Variants in WDSUB1 observed in about 807,000 individuals in gnomAD.
The protein encoded by WDSUB1 is WD repeat, SAM and U-box domain-containing protein 1.
WDSUB1 carries 49 observed loss-of-function variants against 53.9 expected under a neutral mutation model. That is an observed-to-expected ratio of 0.91 (90% CI 0.72 to 1.15). The LOEUF is 1.15. WDSUB1 is among the 50% of genes most tolerant of loss of function. The pLI, the probability that WDSUB1 is intolerant of heterozygous loss-of-function variation, is 0.00. For missense variants in WDSUB1, 514 were observed against 562.0 expected (o/e 0.91, Z 0.86); for synonymous variants, 194 against 200.6 (o/e 0.97, Z 0.28).
At chr2:159,237,476 G>A (rs1028087306) in intron 10 of WDSUB1, among the ~76,000 whole-genome samples, 4 of 151,170 alleles carry the variant, frequency 2.6e-5, no homozygotes, top group South Asian at 2.1e-4. Context: ...AGCTGAGATC[G>A]CACCACTGCA....
intron 9 of WDSUB1, 139 bp from the exon 10 acceptor site, chr2:159,248,651 G>T: frequency 1.0e-6 from 1 of 977,236 alleles, no homozygotes; most frequent in Non-Finnish European, 1.4e-6. Context: ...TGCCCAGGCT[G>T]GAGTGCAGTG....
At position 159,259,851 on chromosome 2, in the gene WDSUB1, GA is replaced by G; in HGVS notation, c.771-9del. ...ACAGACTTATCCACTGACCTTAAAA[GA>G]AAATAAATTATAGGTGAAAAGTTCT... On this transcript the variant is annotated splice_polypyrimidine_tract_variant and intron_variant, in intron 5 of 10. Coordinates refer to ENST00000359774, the MANE Select transcript of WDSUB1 (RefSeq NM_001128212.3). 3.3e-6 allele frequency: 5 copies of G among 1,513,284 alleles called. No homozygotes were observed. Among genetic ancestry groups the G allele is most frequent in the Non-Finnish European group, 3.6e-6 (4 of 1,114,038 alleles). The allele number at this position is 1,513,284 out of a possible 1,614,324, so 93.7% of individuals were successfully genotyped here. A position where few individuals can be genotyped will look rare whatever the true frequency, so the allele number is the denominator to read the frequency against.
At chr2:159,281,295 G>A (rs12614061) in intron 2 of WDSUB1, among the ~76,000 whole-genome samples, 53,485 of 151,904 alleles carry the variant, frequency 0.35, 12,397 homozygotes, top group Non-Finnish European at 0.54. Context: ...CTGGGGTACA[G>A]TAGTGCAATC....
At chr2:159,268,389 T>C (rs552396931) in intron 5 of WDSUB1, among the ~76,000 whole-genome samples, 40 of 152,374 alleles carry the variant, frequency 2.6e-4, no homozygotes, top group African/African-American at 8.9e-4. Flanking sequence ...ATTTAAATTC[T>C]AGGTCAAAAG....
intron 5 of WDSUB1, among the ~76,000 whole-genome samples, chr2:159,261,716 A>C (rs1432033947): frequency 6.6e-6 from 1 of 151,430 alleles, no homozygotes; most frequent in African/African-American, 2.4e-5. Flanking sequence ...CACACACACA[A>C]AAATACTTTC....
intron 10 of WDSUB1, among the ~76,000 whole-genome samples, chr2:159,240,680 T>G (rs935348421): frequency 6.6e-6 from 1 of 152,190 alleles, no homozygotes; most frequent in African/African-American, 2.4e-5. Flanking sequence ...AGCATTCCTA[T>G]TTTATAAATG....
At chr2:159,267,651 T>C (rs2061371237) in intron 5 of WDSUB1, among the ~76,000 whole-genome samples, 1 of 152,170 alleles carries the variant, frequency 6.6e-6, no homozygotes, top group Admixed American at 6.5e-5. Flanking sequence ...GTCCATTCAC[T>C]TTTCATCTCT....
chr2:159,238,577 T>C (rs1210279057), intron 10 of WDSUB1, among the ~76,000 whole-genome samples: 5 of 152,224 alleles, frequency 3.3e-5, no homozygotes, highest in Non-Finnish European at 7.3e-5. Flanking sequence ...TTAGAAGTGA[T>C]TTTTACCACT....
chr2:159,238,447 G>A (rs749672590), intron 10 of WDSUB1, among the ~76,000 whole-genome samples: 2 of 152,148 alleles, frequency 1.3e-5, no homozygotes, highest in Non-Finnish European at 2.9e-5. Flanking sequence ...GCTGCGCTCT[G>A]CAGGTTTCCC....
At chr2:159,273,612 G>T (rs1330842624) in intron 4 of WDSUB1, among the ~76,000 whole-genome samples, 1 of 151,972 alleles carries the variant, frequency 6.6e-6, no homozygotes, top group African/African-American at 2.4e-5. Flanking sequence ...TCAAGACAGG[G>T]TTTCACCATG....
At chr2:159,269,877 C>T (rs2061414737) in intron 5 of WDSUB1, among the ~76,000 whole-genome samples, 1 of 152,068 alleles carries the variant, frequency 6.6e-6, no homozygotes, top group African/African-American at 2.4e-5. Context: ...AAGAATAAAG[C>T]TTATCTCCCC....
intron 9 of WDSUB1, among the ~76,000 whole-genome samples, chr2:159,252,196 G>A (rs11679903): frequency 1.3e-5 from 2 of 152,048 alleles, no homozygotes; most frequent in African/African-American, 4.8e-5. Flanking sequence ...GAGAAGACAC[G>A]AAACCTATAT....
intron 1 of WDSUB1, among the ~76,000 whole-genome samples, chr2:159,285,445 C>A (rs935322564): frequency 2.0e-5 from 3 of 152,092 alleles, no homozygotes; most frequent in South Asian, 2.1e-4. Context: ...ATGGTGCACA[C>A]CTGTAGTCCC....
rs1246727584 is a variant in WDSUB1 at position 159,236,207 on chromosome 2, A to T, written c.1274-17T>A. ...AATAGCCATCTAAAAAAAAAAAATC[A>T]CACAAATTACATGATGTAGGAAAGG... On this transcript the variant is annotated splice_polypyrimidine_tract_variant and intron_variant, in intron 10 of 10. Coordinates refer to ENST00000359774, the MANE Select transcript of WDSUB1 (RefSeq NM_001128212.3). The T allele has an allele frequency of 6.3e-7, 1 of 1,585,578 alleles. No homozygotes were observed. The highest frequency in any genetic ancestry group is 2.2e-5 in the East Asian group (1 of 44,716).
rs1214631516 is a variant in WDSUB1, at chr2:159,248,513, C to G, written c.1133-1G>C. On this transcript the variant is annotated splice_acceptor_variant, in intron 9 of 10. Transcript: ENST00000359774. LOFTEE classifies it high-confidence loss of function. ...ACTTTACTACGCAGTCCTAGAGATT[C>G]TGAAAAGAAATTACTGTTAGGGCTG... is the stretch of plus-strand genomic sequence containing the variant. 3 of 1,495,732 alleles carry G rather than the reference C, an allele frequency of 2.0e-6. No homozygotes were observed. Among genetic ancestry groups the G allele is most frequent in the Non-Finnish European group, 2.7e-6 (3 of 1,129,400 alleles). 92.7% of individuals were successfully genotyped at this position (1,495,732 alleles called of 1,614,324 possible).
At position 159,248,395 on chromosome 2, in the gene WDSUB1, A is replaced by G. The variant is rs755800855; in HGVS notation, c.1250T>C (p.Met417Thr). 6.8e-5 allele frequency: 109 copies of G among 1,612,204 alleles called. No homozygotes were observed. Among genetic ancestry groups the G allele is most frequent in the South Asian group, 1.4e-4 (13 of 90,836 alleles). ...EFICPITREL[M>T]KDPVIASDGY... ...ACCTGATGCGATGACCGGATCTTTC[A>G]TAAGTTCTCTAGTTATTGGACATAT... Residue 417 changes from methionine to threonine, a missense_variant, in exon 10 of 11, where the codon ATG becomes ACG. Physicochemically the swap from Met to Thr is moderately conservative, Grantham distance 81 (BLOSUM62 -1). Coordinates refer to ENST00000359774, the MANE Select transcript of WDSUB1 (RefSeq NM_001128212.3).
chr2:159,275,026 G>A (rs2061511678), intron 4 of WDSUB1, among the ~76,000 whole-genome samples: 1 of 152,144 alleles, frequency 6.6e-6, no homozygotes, highest in South Asian at 2.1e-4. Flanking sequence ...AGAGAGAAAT[G>A]TGGGGGATAA....
At chr2:159,281,148 G>T (rs1282088279) in intron 2 of WDSUB1, among the ~76,000 whole-genome samples, 1 of 152,236 alleles carries the variant, frequency 6.6e-6, no homozygotes, top group Non-Finnish European at 1.5e-5. Flanking sequence ...GACAGAAGGA[G>T]GGGGAGGTAC....
intron 2 of WDSUB1, among the ~76,000 whole-genome samples, chr2:159,281,235 G>A (rs1006461661): frequency 2.0e-5 from 3 of 152,010 alleles, no homozygotes; most frequent in Admixed American, 6.6e-5. Context: ...AAGTGTTAGC[G>A]TGAAAATTTT....
Sources: allele counts gnomAD v4.1 joint callset (sites outside exome capture counted in the v4.1 genomes callset), GRCh38; gene constraint gnomAD v4.1.1; transcripts MANE v1.5; gene names NCBI Gene and HGNC (gene_info 2026-07-23, HGNC 2026-07-21).